Variants in EML5 observed in about 807,000 individuals in gnomAD.
EML5 encodes the protein echinoderm microtubule-associated protein-like 5.
Under a neutral mutation model 250.0 loss-of-function variants are expected in EML5, and 120 were observed. The observed-to-expected ratio is 0.48, with a 90% confidence interval of 0.41 to 0.56. The LOEUF (loss-of-function observed/expected upper bound fraction) is 0.56. EML5 is among the 20% of genes least tolerant of loss of function. EML5 has a pLI of 0.00. For synonymous variants in EML5, 771 were observed against 806.5 expected (o/e 0.96, Z 0.75); for missense variants, 2,006 against 2,437.6 (o/e 0.82, Z 3.73).
chr14:88,789,672 T>C lies in EML5; in HGVS notation c.197+2635A>G, dbSNP rs1265192780. Among the ~76,000 whole-genome samples the C allele has an allele frequency of 3.0e-5, 3 of 101,180 alleles. No homozygotes were observed. In the East Asian group the frequency reaches 8.7e-4, roughly 29 times the overall value. The allele number at this position is 101,180 out of a possible 152,430, so 66.4% of individuals were successfully genotyped here. ...AGACTAGTCATGATTCAGCCTTTACTGAGAAAATGATGAAATGTCATGTGG... is the reference window on the plus strand; with the variant it reads ...AGACTAGTCATGATTCAGCCTTTACCGAGAAAATGATGAAATGTCATGTGG... On this transcript the variant is annotated intron_variant, in intron 1 of 43. Transcript: ENST00000554922.
intron 16 of EML5, among the ~76,000 whole-genome samples, chr14:88,694,763 C>T (rs2093037932): frequency 6.6e-6 from 1 of 152,152 alleles, no homozygotes; most frequent in Admixed American, 6.5e-5. Context: ...CAAAATTCCT[C>T]TTAAACTATT....
Position 88,621,146 on chromosome 14 carries a change from A to G in EML5, c.5169T>C (p.Asp1723=). Residue 1723 remains aspartate (D), a synonymous_variant, in exon 38 of 44, where the codon GAT becomes GAC. Coordinates refer to ENST00000554922, the MANE Select transcript of EML5 (RefSeq NM_183387.3). The part of the protein sequence containing the change: ...SRDFFLSAAE[D]GTVRLWDIAD... Reference sequence around the variant, plus strand: ...CAATATCCCAAAGTCTCACTGTCCCATCTTCTGCAGCAGAAAGGAAAAAAT... The same window carrying G: ...CAATATCCCAAAGTCTCACTGTCCCGTCTTCTGCAGCAGAAAGGAAAAAAT... 1 of 1,613,868 alleles carries G rather than the reference A, an allele frequency of 6.2e-7. No individual in the cohort carries two copies. The highest frequency in any genetic ancestry group is 8.5e-7 in the Non-Finnish European group (1 of 1,179,860).
In EML5 at chr14:88,727,365, A is replaced by G. The variant is rs535774711; in HGVS notation, c.1050-687T>C. ...ATGTGAGTATACCATCTCTTTCCCA[A>G]CTTCTCAACTCTGCATCTGTAGTGT... On this transcript the variant is annotated intron_variant, in intron 7 of 43. Transcript: ENST00000554922. Among the ~76,000 whole-genome samples, 7 of 151,344 alleles carry G rather than the reference A, an allele frequency of 4.6e-5. No individual in the cohort carries two copies. In the South Asian group the frequency reaches 6.3e-4, roughly 14 times the overall value.
chr14:88,637,936 G>A (rs1171144654), intron 32 of EML5, among the ~76,000 whole-genome samples: 2 of 152,142 alleles, frequency 1.3e-5, no homozygotes, highest in East Asian at 1.9e-4. Context: ...AAACACAAGG[G>A]TCTATGTGGC....
intron 2 of EML5, among the ~76,000 whole-genome samples, 158 bp from the exon 3 acceptor site, chr14:88,746,441 C>T (rs1738410890): frequency 6.6e-6 from 1 of 152,110 alleles, no homozygotes. Flanking sequence ...GAATGTATTT[C>T]ACCTTGTTAG....
At chr14:88,718,769 G>A (rs1341401677) in intron 8 of EML5, among the ~76,000 whole-genome samples, 1 of 152,082 alleles carries the variant, frequency 6.6e-6, no homozygotes, top group East Asian at 1.9e-4. Context: ...AAGAGAGAGA[G>A]ACTTTGGTTT....
At chr14:88,642,408 T>C (rs779792236) in intron 31 of EML5, among the ~76,000 whole-genome samples, 25 of 152,240 alleles carry the variant, frequency 1.6e-4, no homozygotes, top group East Asian at 3.9e-4. Context: ...TCAAACAAGG[T>C]ATCATCATAG....
chr14:88,778,913 T>G (rs149051334), intron 1 of EML5, among the ~76,000 whole-genome samples: 13 of 152,364 alleles, frequency 8.5e-5, no homozygotes, highest in Admixed American at 3.3e-4. Flanking sequence ...TTGTGGTTGG[T>G]TGGAACAATG....
At chr14:88,773,607 C>G (rs1410728720) in intron 1 of EML5, among the ~76,000 whole-genome samples, 1 of 152,164 alleles carries the variant, frequency 6.6e-6, no homozygotes, top group East Asian at 1.9e-4. Context: ...ATTTGGGAAG[C>G]TTAAAAATTA....
intron 10 of EML5, among the ~76,000 whole-genome samples, chr14:88,707,270 T>TTTA (rs2093334058): frequency 2.7e-5 from 4 of 145,526 alleles, no homozygotes; most frequent in African/African-American, 7.7e-5. Context: ...TAGGGATATA[T>TTTA]TTTATTTATT....
intron 31 of EML5, among the ~76,000 whole-genome samples, chr14:88,641,094 T>C (rs2091038382): frequency 6.6e-6 from 1 of 152,104 alleles, no homozygotes; most frequent in Middle Eastern, 3.4e-3. Context: ...AACAGACCAA[T>C]AATGAGTTCC....
At chr14:88,755,309 T>G (rs1161382129) in intron 1 of EML5, among the ~76,000 whole-genome samples, 1 of 152,222 alleles carries the variant, frequency 6.6e-6, no homozygotes, top group African/African-American at 2.4e-5. Flanking sequence ...TTTCCTCATT[T>G]AGTATTCACC....
chr14:88,714,878 C>G lies in EML5; in HGVS notation c.1444+61G>C, dbSNP rs961499383. Reference sequence around the variant, plus strand: ...TCAAATGTAACTTACACTCTGCTTCCAGTAAAACTCTAAAATATTGTATAG... The same window carrying G: ...TCAAATGTAACTTACACTCTGCTTCGAGTAAAACTCTAAAATATTGTATAG... On this transcript the variant is annotated intron_variant, in intron 9 of 43. Coordinates refer to ENST00000554922, the MANE Select transcript of EML5 (RefSeq NM_183387.3). The G allele has an allele frequency of 1.1e-5, 17 of 1,486,308 alleles. No individual in the cohort carries two copies. The African/African-American group carries it at 2.4e-4, about 21-fold the overall frequency. 92.1% of individuals were successfully genotyped at this position (1,486,308 alleles called of 1,614,324 possible).
Position 88,663,064 on chromosome 14 carries a change from G to A in EML5, c.3465C>T (p.Pro1155=), listed in dbSNP as rs367767836. Residue 1155 remains proline (P), a synonymous_variant, in exon 24 of 44, where the codon CCC becomes CCT. Coordinates refer to ENST00000554922, the MANE Select transcript of EML5 (RefSeq NM_183387.3). ...GAKEQLFFEA[P]RGKKQTIPSV... is the part of the protein sequence containing the mutation. ...TGGGGATGGTTTGTTTTTTCCCTCT[G>A]GGAGCTTCAAAGAATAATTGTTCCT... 632 of 1,553,588 alleles carry A rather than the reference G, an allele frequency of 4.1e-4. No homozygotes were observed. The highest frequency in any genetic ancestry group is 5.4e-4 in the Non-Finnish European group (616 of 1,147,806).
At chr14:88,715,835 T>C (rs575674868) in intron 8 of EML5, among the ~76,000 whole-genome samples, 10 of 152,190 alleles carry the variant, frequency 6.6e-5, no homozygotes, top group Non-Finnish European at 1.2e-4. Context: ...GCTAATCTTT[T>C]TGACGTTTTT....
chr14:88,787,176 C>T (rs2094559781), intron 1 of EML5, among the ~76,000 whole-genome samples: 1 of 152,196 alleles, frequency 6.6e-6, no homozygotes, highest in Non-Finnish European at 1.5e-5. Context: ...TCCTCAAAGA[C>T]TTAGCTTAGG....
chr14:88,716,763 AC>A (rs1267912434), intron 8 of EML5, among the ~76,000 whole-genome samples: 3 of 144,738 alleles, frequency 2.1e-5, no homozygotes, highest in African/African-American at 7.7e-5. Context: ...ACACACACAC[AC>A]GGTAGAAGGT....
At chr14:88,627,159 C>T in intron 34 of EML5, 113 bp from the exon 35 acceptor site, 2 of 998,558 alleles carry the variant, frequency 2.0e-6, no homozygotes, top group Non-Finnish European at 1.5e-6. Context: ...GAAGAGAGGC[C>T]AATGGCCCCT....
At position 88,658,187 on chromosome 14, in the gene EML5, C is replaced by A; in HGVS notation, c.3877G>T (p.Gly1293Cys). 6.2e-7 allele frequency: 1 copy of A among 1,613,238 alleles called. No individual in the cohort carries two copies. The highest frequency in any genetic ancestry group is 8.5e-7 in the Non-Finnish European group (1 of 1,179,546). Residue 1293 changes from glycine to cysteine, a missense_variant and splice_region_variant, in exon 26 of 44, where the codon GGC becomes TGC. Coordinates refer to ENST00000554922, the MANE Select transcript of EML5 (RefSeq NM_183387.3). Reference protein sequence around the residue: ...ESDIDSEEDGGYDSDVTRENE... With the variant: ...ESDIDSEEDGCYDSDVTRENE... ...GTTCAAGTATTATAAAATGACGTAC[C>A]CCCATCTTCTTCAGAATCAATGTCG...
Sources: allele counts gnomAD v4.1 joint callset (sites outside exome capture counted in the v4.1 genomes callset), GRCh38; gene constraint gnomAD v4.1.1; transcripts MANE v1.5; gene names NCBI Gene and HGNC (gene_info 2026-07-23, HGNC 2026-07-21).